Variants in SYNJ1 observed in about 807,000 individuals in gnomAD.
The protein encoded by SYNJ1 is synaptojanin 1.
In SYNJ1, 78 loss-of-function variants were observed where a neutral mutation model predicts 168.2. The ratio of observed to expected loss-of-function variants is 0.46; its 90% CI spans 0.39 to 0.56. SYNJ1 has a LOEUF of 0.56. Ranked by LOEUF, SYNJ1 falls within the 20% of genes least tolerant of loss-of-function variation. The pLI is 0.00. For missense variants in SYNJ1, 1,303 were observed against 1,597.6 expected (o/e 0.82, Z 3.14); for synonymous variants, 539 against 548.6 (o/e 0.98, Z 0.24).
At chr21:32,636,372 C>A (rs2039565640) in intron 31 of SYNJ1, among the ~76,000 whole-genome samples, 1 of 151,990 alleles carries the variant, frequency 6.6e-6, no homozygotes, top group Non-Finnish European at 1.5e-5. Context: ...CTCTTCTATA[C>A]AAAATTATAA....
At chr21:32,675,326 A>G (rs1274328622) in intron 13 of SYNJ1, among the ~76,000 whole-genome samples, 1 of 152,154 alleles carries the variant, frequency 6.6e-6, no homozygotes, top group Non-Finnish European at 1.5e-5. Context: ...AAAAGATAAA[A>G]AATAGTCCTA....
In SYNJ1 at chr21:32,666,486, C is replaced by T. The variant is rs1421466293; in HGVS notation, c.1899G>A (p.Leu633=). 6.2e-7 allele frequency: 1 copy of T among 1,614,072 alleles called. No individual in the cohort carries two copies. The highest frequency in any genetic ancestry group is 1.1e-5 in the South Asian group (1 of 91,074). Residue 633 remains leucine (L), a synonymous_variant, in exon 16 of 33, where the codon TTG becomes TTA. Coordinates refer to ENST00000674351, the MANE Select transcript of SYNJ1 (RefSeq NM_203446.3). ...NKYVLLASEQ[L]VGVCLFVFIR... ...TAAAAACAAACAAACAGACGCCCAC[C>T]AACTGTTCAGAAGCCAGCAGCACAT...
chr21:32,672,594 C>A (rs2041249590), intron 14 of SYNJ1, among the ~76,000 whole-genome samples: 1 of 152,152 alleles, frequency 6.6e-6, no homozygotes. Flanking sequence ...CCTGCCTCGG[C>A]CTCCCAAAGT....
Position 32,699,958 on chromosome 21 carries a change from C to T in SYNJ1, c.359G>A (p.Arg120Gln), listed in dbSNP as rs768435291. Residue 120 changes from arginine (R) to glutamine (Q), a missense_variant, in exon 4 of 33, where the codon CGG becomes CAG. By Grantham distance (43) the Arg-to-Gln change is conservative (BLOSUM62 1). Transcript: ENST00000674351. ...AAAGTTTCCTGAATTCAAAACTTTC[C>T]GCACTTCTGAAATGCGATCCTCATC... ...SSDEDRISEV[R>Q]KVLNSGNFYF... 2.2e-5 allele frequency: 36 copies of T among 1,614,028 alleles called. No homozygotes were observed. The highest frequency in any genetic ancestry group is 4.0e-5 in the African/African-American group (3 of 74,930).
At chr21:32,678,250 A>G (rs2041488303) in intron 12 of SYNJ1, among the ~76,000 whole-genome samples, 1 of 152,200 alleles carries the variant, frequency 6.6e-6, no homozygotes, top group East Asian at 1.9e-4. Context: ...TGGGATAGTG[A>G]TTTAAAAAAT....
In SYNJ1 at chr21:32,718,073, G is replaced by A. The variant is rs554660021; in HGVS notation, c.124+8699C>T. Among the ~76,000 whole-genome samples, 3 of 152,184 alleles carry A rather than the reference G, an allele frequency of 2.0e-5. No homozygotes were observed. In the South Asian group the frequency reaches 6.2e-4, roughly 32 times the overall value. ...TTGTTGTTGTTACTTAAGGTAGGAGGGTAAATCTAGTTCCTGTTACTCCAC... is the reference window on the plus strand; with the variant it reads ...TTGTTGTTGTTACTTAAGGTAGGAGAGTAAATCTAGTTCCTGTTACTCCAC... On this transcript the variant is annotated intron_variant, in intron 2 of 32. Transcript: ENST00000674351.
intron 2 of SYNJ1, among the ~76,000 whole-genome samples, chr21:32,710,881 C>T (rs900669146): frequency 6.6e-6 from 1 of 152,128 alleles, no homozygotes; most frequent in African/African-American, 2.4e-5. Flanking sequence ...ACCCTGCCAT[C>T]AATGTTTTCC....
chr21:32,695,012 T>C (rs1011852625), intron 5 of SYNJ1, 45 bp downstream of exon 5: 1 of 1,510,046 alleles, frequency 6.6e-7, no homozygotes, highest in Admixed American at 1.8e-5. Context: ...TTTCTGTGCT[T>C]CTCCTATAAT....
intron 12 of SYNJ1, among the ~76,000 whole-genome samples, chr21:32,678,377 AAC>A (rs1373521463): frequency 6.6e-6 from 1 of 152,216 alleles, no homozygotes; most frequent in Non-Finnish European, 1.5e-5. Context: ...GTACAAAGTT[AAC>A]AATGCTTAAT....
chr21:32,645,941 C>T, intron 24 of SYNJ1, 152 bp from the exon 25 acceptor site: 5 of 1,194,196 alleles, frequency 4.2e-6, no homozygotes, highest in Non-Finnish European at 6.1e-6. Context: ...CAAAAGCAGT[C>T]TACTATTAAA....
At chr21:32,680,553 G>GTCTGTAGA (rs1319695395) in intron 11 of SYNJ1, among the ~76,000 whole-genome samples, 1 of 151,854 alleles carries the variant, frequency 6.6e-6, no homozygotes, top group African/African-American at 2.4e-5. Context: ...GAAGAAAGTA[G>GTCTGTAGA]TCTGTAGATA....
intron 7 of SYNJ1, 147 bp from the exon 8 acceptor site, chr21:32,687,221 C>G (rs2041866056): frequency 2.0e-6 from 1 of 491,616 alleles, no homozygotes; most frequent in South Asian, 3.2e-5. Context: ...TGTACATGGT[C>G]TCAAAGCCGA....
intron 32 of SYNJ1, among the ~76,000 whole-genome samples, chr21:32,633,356 G>A (rs2039426411): frequency 6.6e-6 from 1 of 152,118 alleles, no homozygotes; most frequent in African/African-American, 2.4e-5. Context: ...CCAAGGGACT[G>A]AGCAAAGACA....
chr21:32,649,683 A>C (rs994256370), intron 23 of SYNJ1, among the ~76,000 whole-genome samples: 3 of 152,236 alleles, frequency 2.0e-5, no homozygotes, highest in African/African-American at 7.2e-5. Context: ...TTAATATTTG[A>C]ATGGAAGAAT....
chr21:32,690,589 C>G (rs927122818), intron 6 of SYNJ1, among the ~76,000 whole-genome samples: 1 of 152,088 alleles, frequency 6.6e-6, no homozygotes, highest in African/African-American at 2.4e-5. Flanking sequence ...CATAACTTTA[C>G]CCAATTAAAA....
chr21:32,667,954 G>C (rs1216001527), intron 15 of SYNJ1, among the ~76,000 whole-genome samples: 2 of 151,254 alleles, frequency 1.3e-5, no homozygotes, highest in Non-Finnish European at 2.9e-5. Context: ...GTACTCAGTA[G>C]GTACTGCTTA....
At chr21:32,692,606 A>C (rs1449492805) in intron 6 of SYNJ1, among the ~76,000 whole-genome samples, 4 of 152,064 alleles carry the variant, frequency 2.6e-5, no homozygotes, top group African/African-American at 4.8e-5. Context: ...TCCACCTATC[A>C]CCACATAACA....
intron 29 of SYNJ1, 22 bp from the exon 30 acceptor site, chr21:32,639,801 C>A (rs1569027952): frequency 2.5e-6 from 4 of 1,592,332 alleles, no homozygotes; most frequent in Non-Finnish European, 3.4e-6. Flanking sequence ...AAACATAACA[C>A]TTGAGACATT....
At chr21:32,644,221 A>C (rs1569033793) in intron 26 of SYNJ1, among the ~76,000 whole-genome samples, 1 of 152,220 alleles carries the variant, frequency 6.6e-6, no homozygotes, top group Non-Finnish European at 1.5e-5. Flanking sequence ...TCAATGGAGA[A>C]ATGATCACTT....
Sources: gnomAD v4.1 joint callset for allele counts (sites outside exome capture counted in the v4.1 genomes callset) on GRCh38, gnomAD v4.1.1 for gene constraint, MANE v1.5 for transcripts, NCBI Gene and HGNC (gene_info 2026-07-23, HGNC 2026-07-21) for gene names.